TRPV3: variants seen among roughly 807,000 people sequenced by gnomAD.
The protein encoded by TRPV3 is transient receptor potential cation channel subfamily V member 3.
In TRPV3, 88 loss-of-function variants were observed where a neutral mutation model predicts 87.1. The ratio of observed to expected loss-of-function variants is 1.01; its 90% confidence interval spans 0.85 to 1.21. The LOEUF (loss-of-function observed/expected upper bound fraction) is 1.21. Ranked by LOEUF, TRPV3 falls within the 50% of genes most tolerant of loss-of-function variation. The probability of loss-of-function intolerance (pLI) is 0.00; values close to 1 mark genes in which losing one functional copy is unlikely to be tolerated. For synonymous variants in TRPV3, 438 were observed against 423.3 expected (o/e 1.03, Z -0.43); for missense variants, 1,054 against 1,030.1 (o/e 1.02, Z -0.32).
chr17:3,511,379 T>C lies in TRPV3; in HGVS notation c.*2538A>G, dbSNP rs544190759. 2.6e-5 allele frequency: 4 copies of C among 152,246 alleles called. No individual in the cohort carries two copies. In the East Asian group the frequency reaches 7.7e-4, roughly 29 times the overall value. The allele number at this position is 152,246 out of a possible 1,614,324, so 9.4% of individuals were successfully genotyped here. Reference sequence around the variant, plus strand: ...AAATAAATAATGGCTCAGGGAGACATCTGTGGTCCAAGAATCAGGACACTC... The same window carrying C: ...AAATAAATAATGGCTCAGGGAGACACCTGTGGTCCAAGAATCAGGACACTC... On this transcript the variant is annotated 3_prime_UTR_variant, in exon 18 of 18. Transcript: ENST00000576742.
intron 14 of TRPV3, among the ~76,000 whole-genome samples, chr17:3,519,324 TTGGATGGATGGA>T (rs148324359): frequency 4.1e-5 from 6 of 146,626 alleles, no homozygotes; most frequent in African/African-American, 7.6e-5. Flanking sequence ...TGCTGAATGG[TTGGATGGATGGA>T]TGGATGGATG....
chr17:3,546,399 G>A (rs1285817077), intron 2 of TRPV3, among the ~76,000 whole-genome samples: 1 of 151,906 alleles, frequency 6.6e-6, no homozygotes, highest in Non-Finnish European at 1.5e-5. Context: ...CCGAGATCAT[G>A]CCACTGCACT....
In TRPV3 at chr17:3,543,507, GCTC is replaced by G; in HGVS notation, c.430_432del (p.Glu144del). ...TCCTCATCATGGCGCCGCCTGCAAA[GCTC>G]CTGCAGCTCCACCAGCAACTCTACC... is the stretch of plus-strand genomic sequence containing the variant. On this transcript the variant is annotated inframe_deletion, in exon 5 of 18. Transcript: ENST00000576742. The G allele has an allele frequency of 6.2e-7, 1 of 1,613,766 alleles. No homozygotes were observed.
At chr17:3,542,411 G>C (rs1256515379) in intron 6 of TRPV3, 111 bp downstream of exon 6, 6 of 1,229,582 alleles carry the variant, frequency 4.9e-6, no homozygotes, top group South Asian at 3.1e-5. Flanking sequence ...CATGCTTGGG[G>C]CTCCTCAATG....
chr17:3,546,665 G>A (rs1314433487), intron 2 of TRPV3: 8 of 455,846 alleles, frequency 1.8e-5, no homozygotes, highest in Admixed American at 1.4e-4. Flanking sequence ...GCAGCAGATA[G>A]GTAGCAAAGT....
Position 3,514,614 on chromosome 17 carries a change from G to C in TRPV3, c.2257C>G (p.Pro753Ala). 6.2e-7 allele frequency: 1 copy of C among 1,613,912 alleles called. No individual in the cohort carries two copies. Among genetic ancestry groups the C allele is most frequent in the Non-Finnish European group, 8.5e-7 (1 of 1,179,832 alleles). ...GTACCTGTTCGTCTTACAGGCCCCG[G>C]GTCTTCGTTAAGGAAGGAGACGTGC... ...KTHVSFLNED[P>A]GPVRRTDFNK... is the part of the protein sequence containing the mutation. Residue 753 changes from proline to alanine, a missense_variant, in exon 17 of 18, where the codon CCG becomes GCG. Coordinates refer to ENST00000576742, the MANE Select transcript of TRPV3 (RefSeq NM_145068.4).
rs527832882 is a variant in TRPV3, at chr17:3,514,345, C to T, written c.2278+248G>A. On this transcript the variant is annotated intron_variant, in intron 17 of 17. Transcript: ENST00000576742. ...TCACCCGACTCGTCCTCCCAAAGTGCTGGGATTACAGGCACGAGCCACCGC... is the reference window on the plus strand; with the variant it reads ...TCACCCGACTCGTCCTCCCAAAGTGTTGGGATTACAGGCACGAGCCACCGC... 4.0e-4 allele frequency: 217 copies of T among 545,940 alleles called. 1 individual carries two copies. The highest frequency in any genetic ancestry group is 3.7e-3 in the African/African-American group (197 of 52,836). The allele number at this position is 545,940 out of a possible 1,614,324, so 33.8% of individuals were successfully genotyped here. A position where few individuals can be genotyped will look rare whatever the true frequency, so the allele number is the denominator to read the frequency against.
In TRPV3 at chr17:3,511,598, G is replaced by C. The variant is rs2074114889; in HGVS notation, c.*2319C>G. ...CTGAAAGCCTTTTGGGGTGGACACT[G>C]TTGGGAAGAATATCCAATACAGAAA... On this transcript the variant is annotated 3_prime_UTR_variant, in exon 18 of 18. Coordinates refer to ENST00000576742, the MANE Select transcript of TRPV3 (RefSeq NM_145068.4). The C allele has an allele frequency of 6.6e-6, 1 of 152,228 alleles. No homozygotes were observed. The highest frequency in any genetic ancestry group is 2.4e-5 in the African/African-American group (1 of 41,452). 9.4% of individuals were successfully genotyped at this position (152,228 alleles called of 1,614,324 possible).
In TRPV3 at chr17:3,532,853, G is replaced by T. The variant is rs764826532; in HGVS notation, c.869C>A (p.Thr290Asn). The change falls in exon 8 of 18, where the codon ACC becomes AAC. Residue 290 changes from threonine to asparagine, a missense_variant. Physicochemically the swap from Thr to Asn is moderately conservative, Grantham distance 65 (BLOSUM62 0). Coordinates refer to ENST00000576742, the MANE Select transcript of TRPV3 (RefSeq NM_145068.4). ...GTTGTTGCCTCGTGAGTCCCGCGAG[G>T]TGATGTCCGTCTGCTCGTGCTCCAT... Reference protein sequence around the residue: ...LLMEHEQTDITSRDSRGNNIL... With the variant: ...LLMEHEQTDINSRDSRGNNIL... The T allele has an allele frequency of 6.2e-6, 10 of 1,614,122 alleles. No homozygotes were observed. The highest frequency in any genetic ancestry group is 8.5e-6 in the Non-Finnish European group (10 of 1,180,050).
chr17:3,519,887 T>TGGAA (rs1234835986), intron 14 of TRPV3, among the ~76,000 whole-genome samples: 1 of 98,030 alleles, frequency 1.0e-5, no homozygotes, highest in African/African-American at 3.6e-5. Context: ...GATGGATGGA[T>TGGAA]GATTGGATGG....
chr17:3,535,722 C>A lies in TRPV3; in HGVS notation c.644-9G>T, dbSNP rs2150795473. On this transcript the variant is annotated splice_polypyrimidine_tract_variant and intron_variant, in intron 6 of 17. Transcript: ENST00000576742. ...GTTCAGCGCCGTCTGCCCTGCGGAGCGGGCGGGGACGCGCGGGAGCCTCAG... is the reference window on the plus strand; with the variant it reads ...GTTCAGCGCCGTCTGCCCTGCGGAGAGGGCGGGGACGCGCGGGAGCCTCAG... 2.7e-6 allele frequency: 4 copies of A among 1,480,616 alleles called. No homozygotes were observed. Among genetic ancestry groups the A allele is most frequent in the Non-Finnish European group, 3.6e-6 (4 of 1,118,254 alleles). 91.7% of individuals were successfully genotyped at this position (1,480,616 alleles called of 1,614,324 possible).
intron 16 of TRPV3, 83 bp from the exon 17 acceptor site, chr17:3,514,755 G>GTGTC: frequency 9.6e-7 from 1 of 1,039,866 alleles, no homozygotes; most frequent in Non-Finnish European, 1.5e-6. Flanking sequence ...GGACGTCCTG[G>GTGTC]TGTCTACACA....
At chr17:3,549,980 G>A (rs1404721589) in intron 2 of TRPV3, among the ~76,000 whole-genome samples, 1 of 151,414 alleles carries the variant, frequency 6.6e-6, no homozygotes, top group African/African-American at 2.4e-5. Flanking sequence ...GTAGATGAGT[G>A]GATAGATGAT....
At chr17:3,527,797 A>G (rs1597475091) in intron 11 of TRPV3, 1 of 553,868 alleles carries the variant, frequency 1.8e-6, no homozygotes, top group East Asian at 3.2e-5. Context: ...CTGGGAAGGT[A>G]GATAAATGGC....
At chr17:3,537,241 T>G (rs892506810) in intron 6 of TRPV3, among the ~76,000 whole-genome samples, 2 of 152,156 alleles carry the variant, frequency 1.3e-5, no homozygotes, top group Non-Finnish European at 2.9e-5. Flanking sequence ...TCCTCCTGTC[T>G]CAGCCCCCCA....
At chr17:3,534,643 AT>A (rs36088640) in intron 7 of TRPV3, among the ~76,000 whole-genome samples, 44,547 of 146,860 alleles carry the variant, frequency 0.3, 8,185 homozygotes, top group Middle Eastern at 0.45. Context: ...ATGCATTTCA[AT>A]TTTTTTTTTT....
At chr17:3,555,579 G>A (rs536864483) in intron 1 of TRPV3, among the ~76,000 whole-genome samples, 2 of 152,154 alleles carry the variant, frequency 1.3e-5, no homozygotes, top group Non-Finnish European at 2.9e-5. Context: ...AGAGGAGGCC[G>A]ACCCCCCAGT....
In TRPV3 at chr17:3,528,781, T is replaced by C. The variant is rs2074322803; in HGVS notation, c.1401+56A>G. The stretch of plus-strand genomic sequence containing the variant: ...TTTTCCCACCTGCACGTGGGGCAGC[T>C]CCAAGCCCCTCCAGCTCTGACGGCC... On this transcript the variant is annotated intron_variant, in intron 10 of 17. Transcript: ENST00000576742. This position sits in a 1 kb window ranked among gnomAD's most constrained non-coding sequence, Gnocchi z 4.2. 3.1e-6 allele frequency: 5 copies of C among 1,604,552 alleles called. No homozygotes were observed. Among genetic ancestry groups the C allele is most frequent in the Non-Finnish European group, 4.3e-6 (5 of 1,174,490 alleles).
Position 3,542,659 on chromosome 17 carries a change from T to C in TRPV3, c.506A>G (p.Lys169Arg). ...TAACAAGGCCTTCATCAGGCAGGTCTTCCCCGTGTCGGAGGCCGTCAGCTT... is the reference window on the plus strand; with the variant it reads ...TAACAAGGCCTTCATCAGGCAGGTCCTCCCCGTGTCGGAGGCCGTCAGCTT... Reference protein sequence around the residue: ...MHKLTASDTGKTCLMKALLNI... With the variant: ...MHKLTASDTGRTCLMKALLNI... The change falls in exon 6 of 18, where the codon AAG (lysine) becomes AGG (arginine). Residue 169 changes from lysine to arginine, a missense_variant. By Grantham distance (26) the Lys-to-Arg change is conservative (BLOSUM62 2). Coordinates refer to ENST00000576742, the MANE Select transcript of TRPV3 (RefSeq NM_145068.4). The C allele has an allele frequency of 6.2e-7, 1 of 1,614,114 alleles. No homozygotes were observed. The highest frequency in any genetic ancestry group is 8.5e-7 in the Non-Finnish European group (1 of 1,179,986).
Sources: gnomAD v4.1 joint callset for allele counts (sites outside exome capture counted in the v4.1 genomes callset) on GRCh38, gnomAD v4.1.1 for gene constraint, Gnocchi (gnomAD v3.1) non-coding constraint, MANE v1.5 for transcripts, NCBI Gene and HGNC (gene_info 2026-07-23, HGNC 2026-07-21) for gene names.